SCN9A: variants seen among roughly 807,000 people sequenced by gnomAD.
SCN9A encodes sodium voltage-gated channel alpha subunit 9, also known as sodium channel protein type 9 subunit alpha.
In SCN9A, 131 loss-of-function variants were observed where a neutral mutation model predicts 187.0. That is an observed-to-expected ratio of 0.70 (90% CI 0.61 to 0.81). The LOEUF (loss-of-function observed/expected upper bound fraction) is 0.81, where lower values mean the gene tolerates loss of function less well. Ranked by LOEUF, SCN9A falls within the 30% of genes least tolerant of loss-of-function variation. SCN9A has a pLI of 0.00. For synonymous variants in SCN9A, 809 were observed against 808.6 expected (o/e 1.00, Z -0.01); for missense variants, 2,252 against 2,396.6 (o/e 0.94, Z 1.26).
At chr2:166,238,295 C>A in intron 19 of SCN9A, 28 bp from the exon 20 acceptor site, 1 of 1,397,222 alleles carries the variant, frequency 7.2e-7, no homozygotes, top group East Asian at 2.4e-5. Flanking sequence ...AAGTTTCAAT[C>A]ATGCACAACT....
intron 24 of SCN9A, among the ~76,000 whole-genome samples, chr2:166,223,452 G>T (rs1228527029): frequency 6.6e-6 from 1 of 152,272 alleles, no homozygotes; most frequent in African/African-American, 2.4e-5. Flanking sequence ...AATGAACCTG[G>T]ATAAATTTAT....
intron 17 of SCN9A, among the ~76,000 whole-genome samples, chr2:166,270,009 T>A (rs1466878144): frequency 6.6e-6 from 1 of 152,096 alleles, no homozygotes; most frequent in African/African-American, 2.4e-5. Flanking sequence ...TAAACCTAGA[T>A]GCCTGCTCCT....
At chr2:166,261,543 G>C (rs1025401068) in intron 17 of SCN9A, among the ~76,000 whole-genome samples, 11 of 151,892 alleles carry the variant, frequency 7.2e-5, no homozygotes, top group Admixed American at 7.2e-4. Flanking sequence ...TGGCAGAAGG[G>C]AGAAGAGATG....
intron 1 of SCN9A, among the ~76,000 whole-genome samples, chr2:166,319,151 T>C (rs1015427465): frequency 6.6e-6 from 1 of 152,086 alleles, no homozygotes; most frequent in East Asian, 1.9e-4. Flanking sequence ...CCATTAAAAT[T>C]TCCTTAGCCA....
rs767472214 is a variant in SCN9A, at chr2:166,226,588, A to G, written c.4377T>C (p.Asn1459=). 2 of 1,566,742 alleles carry G rather than the reference A, an allele frequency of 1.3e-6. No individual in the cohort carries two copies. The highest frequency in any genetic ancestry group is 1.7e-6 in the Non-Finnish European group (2 of 1,153,906). ...LNLFIGVIID[N]FNQQKKKLGG... ...TTATCTTCTTTTTCTGTTGGTTGAA[A>G]TTATCTATGATGACACCAATGAACA... Residue 1459 remains asparagine, a synonymous_variant, in exon 24 of 27, where the codon AAT becomes AAC. Coordinates refer to ENST00000642356, the MANE Select transcript of SCN9A (RefSeq NM_001365536.1).
At chr2:166,225,719 T>C (rs1035548189) in intron 24 of SCN9A, among the ~76,000 whole-genome samples, 3 of 151,970 alleles carry the variant, frequency 2.0e-5, no homozygotes, top group Non-Finnish European at 4.4e-5. Context: ...TGGAGTGGAG[T>C]GGGCTCTTAA....
intron 1 of SCN9A, among the ~76,000 whole-genome samples, chr2:166,365,141 G>A (rs2105321309): frequency 6.6e-6 from 1 of 152,104 alleles, no homozygotes; most frequent in African/African-American, 2.4e-5. Context: ...TGTAATCTTT[G>A]TCTTATTAGC....
chr2:166,315,084 G>A (rs1158795985), intron 1 of SCN9A, among the ~76,000 whole-genome samples: 1 of 152,118 alleles, frequency 6.6e-6, no homozygotes, highest in Admixed American at 6.6e-5. Context: ...ACAAATCAAT[G>A]AATCAAATCA....
intron 17 of SCN9A, among the ~76,000 whole-genome samples, chr2:166,269,889 A>G (rs568565751): frequency 5.3e-5 from 8 of 152,196 alleles, no homozygotes; most frequent in Admixed American, 2.6e-4. Flanking sequence ...TTCTGAGAGC[A>G]ACTGTCTGCC....
chr2:166,352,281 C>T (rs184226889), intron 1 of SCN9A, among the ~76,000 whole-genome samples: 1 of 152,244 alleles, frequency 6.6e-6, no homozygotes, highest in East Asian at 1.9e-4. Context: ...AAAGACTGTT[C>T]TATTCAATAA....
intron 1 of SCN9A, among the ~76,000 whole-genome samples, chr2:166,370,249 T>A (rs1448258777): frequency 2.0e-5 from 3 of 149,630 alleles, no homozygotes; most frequent in Admixed American, 6.7e-5. Flanking sequence ...ATCATCATCA[T>A]CATTAGATAA....
chr2:166,354,624 C>T (rs1700110832), intron 1 of SCN9A, among the ~76,000 whole-genome samples: 1 of 152,098 alleles, frequency 6.6e-6, no homozygotes, highest in Non-Finnish European at 1.5e-5. Context: ...TCCAACAAAG[C>T]GATCAAGTAT....
Position 166,372,081 on chromosome 2 carries a change from AGTGTGT to A in SCN9A, c.-51+3610_-51+3615del, listed in dbSNP as rs138962140. On this transcript the variant is annotated intron_variant, in intron 1 of 26. Coordinates refer to ENST00000642356, the MANE Select transcript of SCN9A (RefSeq NM_001365536.1). ...AGGGGGGAGGCAAATCACCATACAA[AGTGTGT>A]GTGTGTGTGTGTGTGAGTGTGAGTG... Among the ~76,000 whole-genome samples, 7 of 150,370 alleles carry A rather than the reference AGTGTGT, an allele frequency of 4.7e-5. No homozygotes were observed. In the South Asian group the frequency reaches 6.3e-4, roughly 14 times the overall value.
intron 18 of SCN9A, among the ~76,000 whole-genome samples, chr2:166,250,757 T>C (rs1275094287): frequency 6.6e-6 from 1 of 152,084 alleles, no homozygotes; most frequent in East Asian, 1.9e-4. Flanking sequence ...TAAAGAACTT[T>C]ACATGTCAAG....
At chr2:166,347,677 G>C (rs922233691) in intron 1 of SCN9A, among the ~76,000 whole-genome samples, 3 of 152,100 alleles carry the variant, frequency 2.0e-5, no homozygotes, top group African/African-American at 7.2e-5. Context: ...TTTTTCCTGA[G>C]TAATAAACAC....
At chr2:166,250,233 A>G (rs964825684) in intron 18 of SCN9A, among the ~76,000 whole-genome samples, 7 of 152,162 alleles carry the variant, frequency 4.6e-5, no homozygotes, top group African/African-American at 1.4e-4. Context: ...AAGCAAGTCG[A>G]TGATTTTTCA....
intron 1 of SCN9A, among the ~76,000 whole-genome samples, chr2:166,348,825 C>G (rs1359264963): frequency 6.6e-6 from 1 of 152,028 alleles, no homozygotes; most frequent in Non-Finnish European, 1.5e-5. Context: ...AACTACTTTT[C>G]TTAAACCTCC....
At chr2:166,261,609 G>A (rs1696511329) in intron 17 of SCN9A, among the ~76,000 whole-genome samples, 1 of 151,880 alleles carries the variant, frequency 6.6e-6, no homozygotes, top group African/African-American at 2.4e-5. Flanking sequence ...TTTAAAATAT[G>A]AAAACAGAAT....
Position 166,373,329 on chromosome 2 carries a change from A to ATTTT in SCN9A, c.-51+2367_-51+2368insAAAA, listed in dbSNP as rs745531940. Among the ~76,000 whole-genome samples, 279 of 145,320 alleles carry ATTTT rather than the reference A, an allele frequency of 1.9e-3. 1 individual carries two copies. The East Asian group carries it at 0.028, about 15-fold the overall frequency. ...TTCTTCCTCTTTTTTTTTTTTTTTA[A>ATTTT]ATGCAGTTGTGAGCCAATGTTTGTT... On this transcript the variant is annotated intron_variant, in intron 1 of 26. Coordinates refer to ENST00000642356, the MANE Select transcript of SCN9A (RefSeq NM_001365536.1).
Sources: allele counts gnomAD v4.1 joint callset (sites outside exome capture counted in the v4.1 genomes callset), GRCh38; gene constraint gnomAD v4.1.1; transcripts MANE v1.5; gene names NCBI Gene and HGNC (gene_info 2026-07-23, HGNC 2026-07-21).